ZRANB3: variants seen among roughly 807,000 people sequenced by gnomAD.
ZRANB3 encodes the protein DNA annealing helicase and endonuclease ZRANB3.
A neutral mutation model predicts 133.8 loss-of-function variants in ZRANB3; 125 were observed. The ratio of observed to expected loss-of-function variants is 0.93; its 90% CI spans 0.81 to 1.08. The LOEUF (loss-of-function observed/expected upper bound fraction) is 1.08. Ranked by LOEUF, ZRANB3 falls within the 50% of genes least tolerant of loss-of-function variation. ZRANB3 has a pLI of 0.00. For missense variants in ZRANB3, 1,229 were observed against 1,275.5 expected, an observed-to-expected ratio of 0.96 and a Z score of 0.56; for synonymous variants, 387 against 432.7, an observed-to-expected ratio of 0.89 and a Z score of 1.31.
intron 2 of ZRANB3, among the ~76,000 whole-genome samples, chr2:135,421,917 G>C (rs996753317): frequency 9.2e-6 from 1 of 108,774 alleles, no homozygotes; most frequent in African/African-American, 3.5e-5. Flanking sequence ...CTTTCTAAAA[G>C]AATGTTTCCC....
intron 2 of ZRANB3, among the ~76,000 whole-genome samples, chr2:135,394,803 G>C (rs1448266409): frequency 6.6e-6 from 1 of 152,028 alleles, no homozygotes; most frequent in South Asian, 2.1e-4. Context: ...AAAAGAGAAT[G>C]AGAAGGAATG....
intron 6 of ZRANB3, among the ~76,000 whole-genome samples, chr2:135,318,530 G>A (rs1683368173): frequency 6.6e-6 from 1 of 152,100 alleles, no homozygotes; most frequent in Admixed American, 6.6e-5. Context: ...AGAGTAATAT[G>A]TTGGGTATGA....
chr2:135,366,535 T>C (rs953441585), intron 3 of ZRANB3, among the ~76,000 whole-genome samples: 2 of 152,044 alleles, frequency 1.3e-5, no homozygotes, highest in African/African-American at 4.8e-5. Flanking sequence ...CTGGGTATTA[T>C]GTGCAGAAAT....
chr2:135,454,988 A>G (rs1690435304), intron 2 of ZRANB3, among the ~76,000 whole-genome samples: 1 of 151,918 alleles, frequency 6.6e-6, no homozygotes, highest in Admixed American at 6.6e-5. Flanking sequence ...CAGTCTTGCT[A>G]TTTTTTTATT....
chr2:135,211,909 C>T (rs1455860782), intron 17 of ZRANB3, among the ~76,000 whole-genome samples: 1 of 152,142 alleles, frequency 6.6e-6, no homozygotes, highest in Non-Finnish European at 1.5e-5. Context: ...GGTCAAAGGT[C>T]TTAGGTGTTT....
At chr2:135,278,701 TAAAAG>T (rs1399207499) in intron 8 of ZRANB3, among the ~76,000 whole-genome samples, 1 of 151,862 alleles carries the variant, frequency 6.6e-6, no homozygotes, top group African/African-American at 2.4e-5. Flanking sequence ...AGAAAACTAA[TAAAAG>T]AAGAAAAGAA....
Position 135,295,147 on chromosome 2 carries a change from G to A in ZRANB3, c.966+18342C>T, listed in dbSNP as rs139097890. Among the ~76,000 whole-genome samples the A allele has an allele frequency of 3.1e-3, 464 of 151,108 alleles. 3 individuals carry two copies. The highest frequency in any genetic ancestry group is 0.01 in the African/African-American group (429 of 41,376). On this transcript the variant is annotated intron_variant, in intron 8 of 20. Coordinates refer to ENST00000264159, the MANE Select transcript of ZRANB3 (RefSeq NM_032143.4). ...GCAGAGCTGGGGTTAACTTTCTGTC[G>A]CGTTTATCTGTCTAATGTTGATAGT...
At chr2:135,467,964 A>C (rs761989188) in intron 2 of ZRANB3, among the ~76,000 whole-genome samples, 1 of 152,250 alleles carries the variant, frequency 6.6e-6, no homozygotes, top group Non-Finnish European at 1.5e-5. Context: ...CATGTGTTGA[A>C]TAAATGAGTC....
chr2:135,480,015 G>C (rs1691694906), intron 2 of ZRANB3, among the ~76,000 whole-genome samples: 1 of 151,300 alleles, frequency 6.6e-6, no homozygotes, highest in Non-Finnish European at 1.5e-5. Flanking sequence ...CTCACTGCAA[G>C]CTCCGCCTCC....
At chr2:135,399,109 C>T (rs1043669001) in intron 2 of ZRANB3, among the ~76,000 whole-genome samples, 8 of 152,130 alleles carry the variant, frequency 5.3e-5, no homozygotes, top group African/African-American at 1.2e-4. Flanking sequence ...CATTGATTTA[C>T]TTGAACGGCC....
At chr2:135,524,239 A>G (rs1195079155) in intron 1 of ZRANB3, among the ~76,000 whole-genome samples, 2 of 151,980 alleles carry the variant, frequency 1.3e-5, no homozygotes, top group Non-Finnish European at 2.9e-5. Context: ...GCACCACCAC[A>G]GCTGGCTACT....
chr2:135,508,942 A>C (rs1693320462), intron 1 of ZRANB3, among the ~76,000 whole-genome samples: 1 of 151,972 alleles, frequency 6.6e-6, no homozygotes, highest in Non-Finnish European at 1.5e-5. Context: ...TATTCAGTTC[A>C]AAGGTTTAAC....
chr2:135,265,442 A>T (rs981894330), intron 12 of ZRANB3, 92 bp downstream of exon 12: 1 of 1,327,572 alleles, frequency 7.5e-7, no homozygotes, highest in East Asian at 2.6e-5. Flanking sequence ...AACACCATAA[A>T]TAATTGAGAG....
Position 135,207,778 on chromosome 2 carries a change from C to A in ZRANB3, c.2665G>T (p.Asp889Tyr), listed in dbSNP as rs775866595. 2 of 1,612,786 alleles carry A rather than the reference C, an allele frequency of 1.2e-6. No individual in the cohort carries two copies. Among genetic ancestry groups the A allele is most frequent in the South Asian group, 1.1e-5 (1 of 91,078 alleles). The change falls in exon 19 of 21, where the codon GAT (aspartate) becomes TAT (tyrosine). Residue 889 changes from aspartate to tyrosine, a missense_variant. By Grantham distance (160) the Asp-to-Tyr change is radical. Transcript: ENST00000264159. The stretch of plus-strand genomic sequence containing the variant: ...GATGTAGAGGGCTTCACAGTGAGAT[C>A]TGCCTGGACTGTGTATGGATTTAGA... ...PFLNPYTVQA[D>Y]LTVKPSTSKG...
chr2:135,309,411 C>T (rs1324784539), intron 8 of ZRANB3, among the ~76,000 whole-genome samples: 1 of 151,830 alleles, frequency 6.6e-6, no homozygotes, highest in African/African-American at 2.4e-5. Flanking sequence ...ATAGGCAAAA[C>T]AAATAAATAA....
intron 2 of ZRANB3, among the ~76,000 whole-genome samples, chr2:135,410,306 G>C (rs970375142): frequency 6.6e-6 from 1 of 152,034 alleles, no homozygotes; most frequent in Non-Finnish European, 1.5e-5. Context: ...CAATGGAACA[G>C]GATAGAGAGC....
intron 2 of ZRANB3, among the ~76,000 whole-genome samples, chr2:135,427,471 A>G (rs903152309): frequency 6.6e-6 from 1 of 152,176 alleles, no homozygotes; most frequent in African/African-American, 2.4e-5. Context: ...AACAGCCACA[A>G]GAAGAATAAA....
intron 1 of ZRANB3, among the ~76,000 whole-genome samples, chr2:135,517,184 C>T (rs1315696214): frequency 6.6e-6 from 1 of 151,662 alleles, no homozygotes; most frequent in African/African-American, 2.4e-5. Flanking sequence ...AACCTTTTTT[C>T]GAAGTTCTTA....
rs1693985538 is a variant in ZRANB3 at position 135,208,848 on chromosome 2, T to C, written c.2606+20A>G. On this transcript the variant is annotated intron_variant, in intron 18 of 20. Coordinates refer to ENST00000264159, the MANE Select transcript of ZRANB3 (RefSeq NM_032143.4). ...GAGTGGAATTAGTACTACTATATAC[T>C]AGTAGTAGAAAAACCTTACTTTGTG... 1 of 1,586,680 alleles carries C rather than the reference T, an allele frequency of 6.3e-7. No homozygotes were observed. The highest frequency in any genetic ancestry group is 1.1e-5 in the South Asian group (1 of 90,462).
Sources: gnomAD v4.1 joint callset for allele counts (sites outside exome capture counted in the v4.1 genomes callset) on GRCh38, gnomAD v4.1.1 for gene constraint, MANE v1.5 for transcripts, NCBI Gene and HGNC (gene_info 2026-07-23, HGNC 2026-07-21) for gene names.